The following PTGIS variants were observed in gnomAD, a reference collection of about 807,000 sequenced individuals.
PTGIS encodes prostaglandin I2 synthase.
PTGIS carries 45 observed loss-of-function variants against 50.3 expected under a neutral mutation model. The observed-to-expected ratio is 0.90, with a 90% confidence interval of 0.70 to 1.15. The LOEUF is 1.15. Among genes scored for constraint, PTGIS ranks in the 50% most tolerant of loss-of-function variants. PTGIS has a pLI of 0.00. For synonymous variants in PTGIS, 260 were observed against 267.7 expected (o/e 0.97, Z 0.28); for missense variants, 668 against 661.3 (o/e 1.01, Z -0.11).
rs186659799 is a variant in PTGIS at position 49,567,765 on chromosome 20, G to T, written c.74+278C>A. ...CCTAGGTCCCTGCCGTCGCGCTAAG[G>T]GCCAGACTCGGACTTGTCGCGGTGG... On this transcript the variant is annotated intron_variant, in intron 1 of 9. Transcript: ENST00000244043. 3.3e-4 allele frequency among the ~76,000 whole-genome samples: 50 copies of T among 152,286 alleles called. 1 individual carries two copies. The highest frequency in any genetic ancestry group is 1.7e-3 in the Admixed American group (26 of 15,310).
At chr20:49,541,712 C>A (rs1020034601) in intron 4 of PTGIS, among the ~76,000 whole-genome samples, 3 of 151,506 alleles carry the variant, frequency 2.0e-5, no homozygotes, top group African/African-American at 7.3e-5. Flanking sequence ...CCAGCCTGGG[C>A]GAAAGAGCGA....
chr20:49,554,175 T>C (rs907470568), intron 1 of PTGIS, among the ~76,000 whole-genome samples: 1 of 152,200 alleles, frequency 6.6e-6, no homozygotes, highest in Non-Finnish European at 1.5e-5. Flanking sequence ...TGAGAAGGAC[T>C]GAGAGAATAA....
At chr20:49,553,138 T>C (rs1982552126) in intron 1 of PTGIS, among the ~76,000 whole-genome samples, 1 of 152,110 alleles carries the variant, frequency 6.6e-6, no homozygotes, top group Non-Finnish European at 1.5e-5. Flanking sequence ...CAATATACAT[T>C]ATTGTTTTAT....
chr20:49,547,351 G>A (rs1481778663), intron 3 of PTGIS, among the ~76,000 whole-genome samples: 1 of 152,174 alleles, frequency 6.6e-6, no homozygotes, highest in East Asian at 1.9e-4. Context: ...CTATGAAATG[G>A]GGCTGTAAGT....
At chr20:49,523,521 C>A (rs943927646) in intron 6 of PTGIS, among the ~76,000 whole-genome samples, 1 of 151,918 alleles carries the variant, frequency 6.6e-6, no homozygotes, top group Non-Finnish European at 1.5e-5. Context: ...AGAAGCTGGG[C>A]GTGGTGGCTC....
intron 1 of PTGIS, among the ~76,000 whole-genome samples, chr20:49,557,907 T>TC (rs781448918): frequency 6.6e-6 from 1 of 151,792 alleles, no homozygotes; most frequent in African/African-American, 2.4e-5. Flanking sequence ...AGCCCACCTT[T>TC]CCCCCGCTTT....
At chr20:49,511,322 G>T in intron 8 of PTGIS, 143 bp from the exon 9 acceptor site, 1 of 952,258 alleles carries the variant, frequency 1.1e-6, no homozygotes, top group Non-Finnish European at 1.6e-6. Context: ...TAGGGGATTG[G>T]TTAAAAAATT....
At chr20:49,560,707 C>A (rs1382676484) in intron 1 of PTGIS, among the ~76,000 whole-genome samples, 1 of 152,124 alleles carries the variant, frequency 6.6e-6, no homozygotes, top group Admixed American at 6.5e-5. Context: ...GCAGAGGCAA[C>A]AGCAAGTGCA....
At chr20:49,564,721 G>A (rs1049424322) in intron 1 of PTGIS, among the ~76,000 whole-genome samples, 18 of 152,122 alleles carry the variant, frequency 1.2e-4, no homozygotes, top group African/African-American at 4.3e-4. Flanking sequence ...CCCAGAAGTA[G>A]TGGTGTCTTA....
chr20:49,548,138 C>T (rs1982413359), intron 2 of PTGIS, 119 bp from the exon 3 acceptor site: 1 of 941,892 alleles, frequency 1.1e-6, no homozygotes, highest in African/African-American at 1.6e-5. Context: ...ACACTATGTT[C>T]TCTTATCTAT....
chr20:49,541,263 A>C lies in PTGIS; in HGVS notation c.522-1542T>G, dbSNP rs140880884. Among the ~76,000 whole-genome samples the C allele has an allele frequency of 3.4e-3, 512 of 151,704 alleles. 4 individuals carry two copies. Among genetic ancestry groups the C allele is most frequent in the African/African-American group, 0.012 (484 of 41,340 alleles). ...AGAGTTGCAGCCGCCCCTTTTAGAC[A>C]GACACGTGCTTGCCAGGCCACTGCG... On this transcript the variant is annotated intron_variant, in intron 4 of 9. Coordinates refer to ENST00000244043, the MANE Select transcript of PTGIS (RefSeq NM_000961.4).
At chr20:49,529,989 T>C (rs1187927021) in intron 5 of PTGIS, among the ~76,000 whole-genome samples, 1 of 151,832 alleles carries the variant, frequency 6.6e-6, no homozygotes, top group Non-Finnish European at 1.5e-5. Flanking sequence ...ACCCTGTCTC[T>C]ACTAAAAATA....
intron 4 of PTGIS, 144 bp downstream of exon 4, chr20:49,544,161 G>A (rs150629855): frequency 6.4e-6 from 7 of 1,096,164 alleles, no homozygotes; most frequent in African/African-American, 1.6e-5. Context: ...GGTGCATGGC[G>A]TCTTTCCTAC....
At chr20:49,538,393 G>A (rs75377371) in intron 5 of PTGIS, among the ~76,000 whole-genome samples, 14,772 of 150,866 alleles carry the variant, frequency 0.098, 2,234 homozygotes, top group African/African-American at 0.33. Context: ...GCAAGACTCC[G>A]TCTCAAAAAA....
intron 5 of PTGIS, among the ~76,000 whole-genome samples, chr20:49,536,342 T>A (rs1006707321): frequency 6.6e-6 from 1 of 152,192 alleles, no homozygotes; most frequent in Non-Finnish European, 1.5e-5. Context: ...TTTAAAAATA[T>A]ATAAGCAAAA....
chr20:49,524,158 C>G lies in PTGIS; in HGVS notation c.755G>C (p.Arg252Pro), dbSNP rs759344518. 1 of 1,614,222 alleles carries G rather than the reference C, an allele frequency of 6.2e-7. No homozygotes were observed. Residue 252 changes from arginine (R) to proline (P), a missense_variant, in exon 6 of 10, where the codon CGG becomes CCG. Coordinates refer to ENST00000244043, the MANE Select transcript of PTGIS (RefSeq NM_000961.4). ...SPARLARRAH[R>P]SKWLESYLLH... ...CAGGTAACTCTCCAGCCATTTGCTCCGGTGGGCCCGCCTGGCCAGCCTGGC... is the reference window on the plus strand; with the variant it reads ...CAGGTAACTCTCCAGCCATTTGCTCGGGTGGGCCCGCCTGGCCAGCCTGGC...
chr20:49,524,220 G>A lies in PTGIS; in HGVS notation c.693C>T (p.Cys231=). The change falls in exon 6 of 10, where the codon TGC becomes TGT. Residue 231 remains cysteine, a synonymous_variant. Transcript: ENST00000244043. ...GCTTCCACAGGCGACTTTTGACACT[G>A]CACATGTGGTCCTTGTCCCCTGCAG... ...SLSVGDKDHM[C]SVKSRLWKLL... is the part of the protein sequence containing the mutation. The A allele has an allele frequency of 3.1e-6, 5 of 1,614,172 alleles. No individual in the cohort carries two copies. The highest frequency in any genetic ancestry group is 4.2e-6 in the Non-Finnish European group (5 of 1,180,044).
intron 1 of PTGIS, among the ~76,000 whole-genome samples, chr20:49,555,611 G>A (rs1982607674): frequency 1.3e-5 from 2 of 152,174 alleles, no homozygotes; most frequent in Admixed American, 1.3e-4. Context: ...AAATGAGTAT[G>A]TGTTCCAAAA....
Position 49,508,019 on chromosome 20 carries a change from G to C in PTGIS, c.1404C>G (p.Asn468Lys). Residue 468 changes from asparagine (N) to lysine (K), a missense_variant, in exon 10 of 10, where the codon AAC becomes AAG. Physicochemically the swap from Asn to Lys is moderately conservative, Grantham distance 94. Coordinates refer to ENST00000244043, the MANE Select transcript of PTGIS (RefSeq NM_000961.4). ...VLVHLDLELI[N>K]ADVEIPEFDL... ...CAAACTCAGGGATCTCCACATCTGC[G>C]TTGATCAGCTCCAAGTCCAAGTGCA... is the stretch of plus-strand genomic sequence containing the variant. The C allele has an allele frequency of 6.2e-7, 1 of 1,613,992 alleles. No homozygotes were observed. The highest frequency in any genetic ancestry group is 8.5e-7 in the Non-Finnish European group (1 of 1,180,040).
Sources: allele counts gnomAD v4.1 joint callset (sites outside exome capture counted in the v4.1 genomes callset), GRCh38; gene constraint gnomAD v4.1.1; transcripts MANE v1.5; gene names NCBI Gene and HGNC (gene_info 2026-07-23, HGNC 2026-07-21).